Variants in PALLD observed in about 807,000 individuals in gnomAD.
PALLD encodes the protein palladin.
PALLD carries 61 observed loss-of-function variants against 123.5 expected under a neutral mutation model. The ratio of observed to expected loss-of-function variants is 0.49; its 90% CI spans 0.40 to 0.61. The LOEUF is 0.61. Ranked by LOEUF, PALLD falls within the 20% of genes least tolerant of loss-of-function variation. PALLD has a pLI of 0.00. For missense variants in PALLD, 1,273 were observed against 1,377.0 expected, an observed-to-expected ratio of 0.92 and a Z score of 1.20; for synonymous variants, 465 against 496.4, an observed-to-expected ratio of 0.94 and a Z score of 0.84.
At chr4:168,502,800 A>G (rs1371228114) in intron 1 of PALLD, among the ~76,000 whole-genome samples, 2 of 152,192 alleles carry the variant, frequency 1.3e-5, no homozygotes, top group Non-Finnish European at 2.9e-5. Context: ...GCTACTCAGG[A>G]GGATGAGGCA....
intron 2 of PALLD, among the ~76,000 whole-genome samples, chr4:168,563,663 G>A (rs540911179): frequency 6.6e-6 from 1 of 152,272 alleles, no homozygotes; most frequent in South Asian, 2.1e-4. Context: ...AAGTGGTAAT[G>A]TTCCCTATTT....
intron 2 of PALLD, among the ~76,000 whole-genome samples, chr4:168,598,034 CT>C (rs756220822): frequency 3.3e-5 from 5 of 152,024 alleles, no homozygotes; most frequent in South Asian, 2.1e-4. Flanking sequence ...TTTACTACCC[CT>C]ATAAGAAAAA....
At chr4:168,807,772 C>T (rs747881813) in intron 10 of PALLD, among the ~76,000 whole-genome samples, 46 of 152,156 alleles carry the variant, frequency 3.0e-4, no homozygotes, top group Admixed American at 1.2e-3. Flanking sequence ...ATGGTGCAAT[C>T]TCAGCTCACT....
intron 2 of PALLD, among the ~76,000 whole-genome samples, chr4:168,519,898 T>C (rs988615305): frequency 1.2e-5 from 1 of 82,180 alleles, no homozygotes; most frequent in Non-Finnish European, 2.4e-5. Flanking sequence ...TTAATTCATT[T>C]TAAATCTTTT....
intron 11 of PALLD, among the ~76,000 whole-genome samples, chr4:168,892,556 G>A (rs1032464767): frequency 2.0e-5 from 3 of 152,078 alleles, no homozygotes; most frequent in African/African-American, 7.2e-5. Context: ...ATTTCACTGA[G>A]TATAGAAGAT....
chr4:168,658,299 T>G lies in PALLD; in HGVS notation c.909-9891T>G, dbSNP rs1371665658. 6.0e-5 allele frequency among the ~76,000 whole-genome samples: 9 copies of G among 150,034 alleles called. 1 individual carries two copies. The highest frequency in any genetic ancestry group is 2.2e-4 in the African/African-American group (9 of 40,766). ...GTTTTTATTTGGTTTTTTTTTTTTT[T>G]TTTGTGATGAGATCTTGCTTTGTCA... is the stretch of plus-strand genomic sequence containing the variant. On this transcript the variant is annotated intron_variant, in intron 2 of 21. Transcript: ENST00000505667.
At chr4:168,690,807 C>A in intron 7 of PALLD, 63 bp downstream of exon 7, 1 of 1,503,390 alleles carries the variant, frequency 6.7e-7, no homozygotes, top group Non-Finnish European at 9.3e-7. Flanking sequence ...TCAAGAAAAC[C>A]AAGAAGGGCT....
At chr4:168,532,674 A>G (rs1467079189) in intron 2 of PALLD, among the ~76,000 whole-genome samples, 1 of 152,184 alleles carries the variant, frequency 6.6e-6, no homozygotes, top group Non-Finnish European at 1.5e-5. Context: ...AGAAGAAAAA[A>G]TGACATTTCT....
At chr4:168,577,924 G>A (rs1362946151) in intron 2 of PALLD, among the ~76,000 whole-genome samples, 2 of 151,868 alleles carry the variant, frequency 1.3e-5, no homozygotes, top group Non-Finnish European at 2.9e-5. Context: ...CGATAAGAGA[G>A]GACACATGAA....
At chr4:168,792,652 G>A (rs943576672) in intron 10 of PALLD, among the ~76,000 whole-genome samples, 4 of 152,114 alleles carry the variant, frequency 2.6e-5, no homozygotes, top group African/African-American at 9.7e-5. Context: ...TAGGGACAAA[G>A]TTCAAAGTAG....
At chr4:168,612,392 T>A (rs1301465594) in intron 2 of PALLD, among the ~76,000 whole-genome samples, 1 of 152,094 alleles carries the variant, frequency 6.6e-6, no homozygotes, top group Non-Finnish European at 1.5e-5. Context: ...ATAATTCTGA[T>A]CCCAGAGACG....
chr4:168,835,463 T>C (rs1745017690), intron 10 of PALLD, among the ~76,000 whole-genome samples: 1 of 152,162 alleles, frequency 6.6e-6, no homozygotes, highest in Non-Finnish European at 1.5e-5. Context: ...CGACCAGATT[T>C]GAGAAAAAGC....
chr4:168,534,057 C>T (rs1269782859), intron 2 of PALLD, among the ~76,000 whole-genome samples: 2 of 152,144 alleles, frequency 1.3e-5, no homozygotes, highest in African/African-American at 4.8e-5. Flanking sequence ...CTCTTCATTA[C>T]CAAGGGGCTT....
At chr4:168,870,682 A>G (rs1296342398) in intron 10 of PALLD, among the ~76,000 whole-genome samples, 1 of 152,206 alleles carries the variant, frequency 6.6e-6, no homozygotes, top group Non-Finnish European at 1.5e-5. Context: ...AGGACAGGTC[A>G]TAAAATCTAA....
chr4:168,917,887 G>A (rs183111460), intron 17 of PALLD, among the ~76,000 whole-genome samples: 11 of 152,070 alleles, frequency 7.2e-5, no homozygotes, highest in African/African-American at 2.2e-4. Flanking sequence ...AATTCTACTA[G>A]TGCTTATATA....
chr4:168,853,804 G>C (rs916406795), intron 10 of PALLD, among the ~76,000 whole-genome samples: 5 of 152,276 alleles, frequency 3.3e-5, no homozygotes, highest in African/African-American at 1.2e-4. Context: ...GATTCCATGT[G>C]GTTTTTGAAA....
chr4:168,898,727 A>G lies in PALLD; in HGVS notation c.2472+13A>G, dbSNP rs190608408. On this transcript the variant is annotated intron_variant, in intron 14 of 21. Coordinates refer to ENST00000505667, the MANE Select transcript of PALLD (RefSeq NM_001166108.2). ...TCCAAAGCCAAAGGTGAGCTGGGAG[A>G]TGGAGGCTTTTTAAGAGTCATTCTC... is the stretch of plus-strand genomic sequence containing the variant. 1.2e-4 allele frequency: 190 copies of G among 1,569,652 alleles called. 3 individuals are homozygous for G. In the East Asian group the frequency reaches 4.0e-3, roughly 33 times the overall value.
At chr4:168,827,061 T>G (rs1743515321) in intron 10 of PALLD, among the ~76,000 whole-genome samples, 1 of 152,224 alleles carries the variant, frequency 6.6e-6, no homozygotes, top group Non-Finnish European at 1.5e-5. Flanking sequence ...ACTGCAGACC[T>G]GGTTGTCATT....
chr4:168,619,179 C>T (rs986219316), intron 2 of PALLD, among the ~76,000 whole-genome samples: 2 of 152,044 alleles, frequency 1.3e-5, no homozygotes, highest in Non-Finnish European at 1.5e-5. Flanking sequence ...TTTGATAAGC[C>T]GTAGGAAAGC....
Sources: allele counts gnomAD v4.1 joint callset (sites outside exome capture counted in the v4.1 genomes callset), GRCh38; gene constraint gnomAD v4.1.1; transcripts MANE v1.5; gene names NCBI Gene and HGNC (gene_info 2026-07-23, HGNC 2026-07-21).